The following COL4A1 variants were observed in gnomAD, a reference collection of about 807,000 sequenced individuals.
The protein encoded by COL4A1 is collagen alpha-1(IV) chain.
COL4A1 carries 40 observed loss-of-function variants against 216.6 expected under a neutral mutation model. That is an observed-to-expected ratio of 0.18 (90% CI 0.14 to 0.24). The LOEUF is 0.24. Among genes scored for constraint, COL4A1 ranks in the 10% least tolerant of loss-of-function variants. The probability of loss-of-function intolerance (pLI) is 1.00; values close to 1 mark genes in which losing one functional copy is unlikely to be tolerated. For synonymous variants in COL4A1, 839 were observed against 810.7 expected, an observed-to-expected ratio of 1.03 and a Z score of -0.59; for missense variants, 1,628 against 2,196.8, an observed-to-expected ratio of 0.74 and a Z score of 5.18.
chr13:110,269,002 T>G (rs894546415), intron 1 of COL4A1, among the ~76,000 whole-genome samples: 1 of 150,126 alleles, frequency 6.7e-6, no homozygotes, highest in Non-Finnish European at 1.5e-5. Flanking sequence ...ACGGCCCACC[T>G]CTTGGCGCAC....
At chr13:110,237,516 C>T (rs563633347) in intron 2 of COL4A1, among the ~76,000 whole-genome samples, 16 of 152,194 alleles carry the variant, frequency 1.1e-4, no homozygotes, top group Admixed American at 3.3e-4. Context: ...ATGGACAGGA[C>T]AGACCCACAA....
At chr13:110,164,442 T>C (rs982274887) in intron 46 of COL4A1, among the ~76,000 whole-genome samples, 2 of 152,194 alleles carry the variant, frequency 1.3e-5, no homozygotes, top group African/African-American at 4.8e-5. Flanking sequence ...TGTTAGGGTT[T>C]CAGGAAATAA....
intron 49 of COL4A1, among the ~76,000 whole-genome samples, chr13:110,157,152 T>C (rs1876822522): frequency 1.3e-5 from 2 of 152,226 alleles, no homozygotes; most frequent in Non-Finnish European, 1.5e-5. Flanking sequence ...AAATTCTCCA[T>C]ATTGCATATG....
chr13:110,167,264 A>T, intron 43 of COL4A1, 34 bp from the exon 44 acceptor site: 1 of 1,518,202 alleles, frequency 6.6e-7, no homozygotes, highest in Non-Finnish European at 9.2e-7. Context: ...GGAATTGCTC[A>T]GGATATGTAG....
intron 10 of COL4A1, chr13:110,209,760 T>A (rs573312459): frequency 3.9e-6 from 3 of 768,198 alleles, no homozygotes; most frequent in Non-Finnish European, 7.1e-6. Flanking sequence ...TTTCAGGGTA[T>A]CAGTTTATGG....
chr13:110,288,274 AAATAAT>A (rs1555316112), intron 1 of COL4A1, among the ~76,000 whole-genome samples: 3 of 139,458 alleles, frequency 2.2e-5, no homozygotes, highest in African/African-American at 8.2e-5. Flanking sequence ...AAAAAAAAAA[AAATAAT>A]AATAATAATA....
intron 1 of COL4A1, chr13:110,298,530 C>T (rs1486586426): frequency 1.3e-5 from 2 of 152,186 alleles, no homozygotes; most frequent in Non-Finnish European, 2.9e-5. Context: ...ACCCATTTTC[C>T]TGCTTTGGTA....
At chr13:110,238,583 T>A (rs576296974) in intron 2 of COL4A1, among the ~76,000 whole-genome samples, 1 of 152,324 alleles carries the variant, frequency 6.6e-6, no homozygotes, top group South Asian at 2.1e-4. Flanking sequence ...AGAAAGACTT[T>A]TGTATTTGTT....
At chr13:110,254,365 A>C (rs1284770530) in intron 1 of COL4A1, among the ~76,000 whole-genome samples, 3 of 152,192 alleles carry the variant, frequency 2.0e-5, no homozygotes, top group African/African-American at 7.2e-5. Flanking sequence ...TCTTTGAAGC[A>C]TATCATGAGG....
At chr13:110,153,621 A>G (rs771542530) in intron 50 of COL4A1, among the ~76,000 whole-genome samples, 1 of 152,176 alleles carries the variant, frequency 6.6e-6, no homozygotes, top group Non-Finnish European at 1.5e-5. Flanking sequence ...TGATTTCTCT[A>G]TACAGCATTT....
chr13:110,193,336 T>C (rs1290169770), intron 22 of COL4A1, among the ~76,000 whole-genome samples: 1 of 152,226 alleles, frequency 6.6e-6, no homozygotes, highest in African/African-American at 2.4e-5. Context: ...GTCCAGTTCA[T>C]GGACTTCACT....
At chr13:110,274,973 C>T (rs1268952510) in intron 1 of COL4A1, among the ~76,000 whole-genome samples, 2 of 152,214 alleles carry the variant, frequency 1.3e-5, no homozygotes, top group African/African-American at 4.8e-5. Context: ...TTGCTCGCAG[C>T]CGTCACCTTC....
chr13:110,150,361 C>T lies in COL4A1; in HGVS notation c.*2G>A. 2 of 1,613,640 alleles carry T rather than the reference C, an allele frequency of 1.2e-6. No homozygotes were observed. The highest frequency in any genetic ancestry group is 1.7e-6 in the Non-Finnish European group (2 of 1,179,768). ...TTGTGACATTAGCTGAGTCAGGCTT[C>T]ATTATGTTCTTCTCATACAGACTTG... On this transcript the variant is annotated 3_prime_UTR_variant, in exon 52 of 52. Transcript: ENST00000375820.
chr13:110,246,526 G>A (rs1167146442), intron 1 of COL4A1, among the ~76,000 whole-genome samples: 1 of 152,158 alleles, frequency 6.6e-6, no homozygotes, highest in Non-Finnish European at 1.5e-5. Flanking sequence ...AATTTCATTG[G>A]TGACCTGACA....
chr13:110,181,247 C>G (rs374756928), intron 29 of COL4A1, 45 bp downstream of exon 29: 6 of 1,575,812 alleles, frequency 3.8e-6, no homozygotes, highest in Non-Finnish European at 5.2e-6. Context: ...CAACTAATAA[C>G]AAGGATGGGG....
At chr13:110,189,338 C>G (rs1055371910) in intron 24 of COL4A1, among the ~76,000 whole-genome samples, 1 of 152,250 alleles carries the variant, frequency 6.6e-6, no homozygotes, top group African/African-American at 2.4e-5. Flanking sequence ...GCTGGGATTT[C>G]AGGCGTGAGC....
Position 110,161,352 on chromosome 13 carries a change from G to C in COL4A1, c.4480C>G (p.Leu1494Val), listed in dbSNP as rs1877077479. 6 of 1,613,080 alleles carry C rather than the reference G, an allele frequency of 3.7e-6. No individual in the cohort carries two copies. Among genetic ancestry groups the C allele is most frequent in the Non-Finnish European group, 4.2e-6 (5 of 1,179,470 alleles). ...GQDLGTAGSC[L>V]RKFSTMPFLF... ...AAGGGCATTGTGCTGAACTTGCGCA[G>C]GCAGCTGCCGGCCGTGCCTAGACAA... is the stretch of plus-strand genomic sequence containing the variant. Residue 1494 changes from leucine (L) to valine (V), a missense_variant, in exon 49 of 52, where the codon CTG becomes GTG. Physicochemically the swap from Leu to Val is conservative, Grantham distance 32. Coordinates refer to ENST00000375820, the MANE Select transcript of COL4A1 (RefSeq NM_001845.6).
At chr13:110,184,889 C>T (rs757262960) in intron 26 of COL4A1, among the ~76,000 whole-genome samples, 2 of 152,056 alleles carry the variant, frequency 1.3e-5, no homozygotes, top group East Asian at 1.9e-4. Flanking sequence ...AGGCAGGCCT[C>T]GAGCTCCTGA....
At position 110,150,412 on chromosome 13, in the gene COL4A1, T is replaced by A. The variant is rs1876444347; in HGVS notation, c.4961A>T (p.Glu1654Val). The A allele has an allele frequency of 6.8e-6, 11 of 1,614,000 alleles. No individual in the cohort carries two copies. The highest frequency in any genetic ancestry group is 9.3e-6 in the Non-Finnish European group (11 of 1,180,016). The change falls in exon 52 of 52, where the codon GAG (glutamate) becomes GTG (valine). Residue 1654 changes from glutamate (E) to valine (V), a missense_variant. Glu to Val is a moderately radical substitution (Grantham distance 121, BLOSUM62 -2). Around this residue, in one of 8 missense-constraint regions of COL4A1, gnomAD observed 254 missense variants for 300.1 expected, o/e 0.85. Transcript: ENST00000375820. ...KPTPSTLKAGELRTHVSRCQV... is the reference protein window; with the variant it reads ...KPTPSTLKAGVLRTHVSRCQV... ...GCAGCGGCTGACGTGCGTGCGCAGC[T>A]CCCCTGCCTTCAAGGTGGACGGCGT... is the stretch of plus-strand genomic sequence containing the variant.
Sources: gnomAD v4.1 joint callset for allele counts (sites outside exome capture counted in the v4.1 genomes callset) on GRCh38, gnomAD v4.1.1 for gene constraint, gnomAD v4.1.1 regional missense constraint, MANE v1.5 for transcripts, NCBI Gene and HGNC (gene_info 2026-07-23, HGNC 2026-07-21) for gene names.